RFWD3: variants seen among roughly 807,000 people sequenced by gnomAD.
RFWD3 encodes ring finger and WD repeat domain 3.
A neutral mutation model predicts 87.7 loss-of-function variants in RFWD3; 65 were observed. The ratio of observed to expected loss-of-function variants is 0.74; its 90% CI spans 0.61 to 0.91. The LOEUF (loss-of-function observed/expected upper bound fraction) is 0.91, where lower values mean the gene tolerates loss of function less well. Ranked by LOEUF, RFWD3 falls within the 40% of genes least tolerant of loss-of-function variation. The pLI is 0.00. For synonymous variants in RFWD3, 433 were observed against 352.8 expected (o/e 1.23, Z -2.55); for missense variants, 1,078 against 938.5 (o/e 1.15, Z -1.94).
At chr16:74,646,476 T>C (rs1373040478) in intron 4 of RFWD3, among the ~76,000 whole-genome samples, 2 of 152,100 alleles carry the variant, frequency 1.3e-5, no homozygotes, top group Non-Finnish European at 2.9e-5. Context: ...ACACCAACCA[T>C]GCTTTACATG....
chr16:74,652,912 C>T (rs1389835456), intron 2 of RFWD3, among the ~76,000 whole-genome samples: 3 of 152,166 alleles, frequency 2.0e-5, no homozygotes, highest in Non-Finnish European at 2.9e-5. Flanking sequence ...AACTCCTGAC[C>T]TCAAATGATC....
At chr16:74,662,027 CCAT>C (rs34154577) in intron 1 of RFWD3, among the ~76,000 whole-genome samples, 11,583 of 152,194 alleles carry the variant, frequency 0.076, 678 homozygotes, top group East Asian at 0.26. Flanking sequence ...ATCTCTAATT[CCAT>C]CATGTTAGCG....
chr16:74,645,538 G>A (rs1258264015), intron 4 of RFWD3, among the ~76,000 whole-genome samples: 1 of 152,110 alleles, frequency 6.6e-6, no homozygotes, highest in South Asian at 2.1e-4. Flanking sequence ...CTGTAGCACA[G>A]TGGTGGGTTT....
Position 74,661,272 on chromosome 16 carries a change from C to T in RFWD3, c.178G>A (p.Val60Met), listed in dbSNP as rs1371834010. 1.2e-6 allele frequency: 2 copies of T among 1,614,090 alleles called. No homozygotes were observed. Among genetic ancestry groups the T allele is most frequent in the Non-Finnish European group, 1.7e-6 (2 of 1,180,012 alleles). The change falls in exon 2 of 13, where the codon GTG becomes ATG. Residue 60 changes from valine to methionine, a missense_variant. Coordinates refer to ENST00000361070, the MANE Select transcript of RFWD3 (RefSeq NM_018124.4). ...GGTGGTGTCGCTTGGCTGCTGATCACCTCAGCAGGAGCTGGCTGGAGGATG... is the reference window on the plus strand; with the variant it reads ...GGTGGTGTCGCTTGGCTGCTGATCATCTCAGCAGGAGCTGGCTGGAGGATG... ...PSILQPAPAEVISSQATPPLL... is the reference protein window; with the variant it reads ...PSILQPAPAEMISSQATPPLL...
At chr16:74,637,591 T>A (rs1038542932) in intron 7 of RFWD3, among the ~76,000 whole-genome samples, 1 of 152,010 alleles carries the variant, frequency 6.6e-6, no homozygotes, top group Non-Finnish European at 1.5e-5. Flanking sequence ...CGAGATCACA[T>A]CACTGCACTC....
Position 74,650,388 on chromosome 16 carries a change from G to GGT in RFWD3, c.722-1188_722-1187dup, listed in dbSNP as rs142439147. On this transcript the variant is annotated intron_variant, in intron 3 of 12. Transcript: ENST00000361070. ...TTTTTGGCAATGGGGGTGGGGGGCT[G>GGT]GTGTGTGTGTGTATACAGTACTTCC... is the stretch of plus-strand genomic sequence containing the variant. Among the ~76,000 whole-genome samples the GGT allele has an allele frequency of 6.0e-5, 9 of 150,554 alleles. No individual in the cohort carries two copies. In the East Asian group the frequency reaches 1.4e-3, roughly 23 times the overall value.
chr16:74,660,326 G>A (rs188305981), intron 2 of RFWD3, among the ~76,000 whole-genome samples: 3 of 152,236 alleles, frequency 2.0e-5, no homozygotes, highest in Admixed American at 6.5e-5. Flanking sequence ...GGTGGCACGC[G>A]CCTGTAATGC....
chr16:74,641,273 C>T (rs1192618446), intron 6 of RFWD3, among the ~76,000 whole-genome samples: 5 of 152,122 alleles, frequency 3.3e-5, no homozygotes, highest in African/African-American at 1.2e-4. Flanking sequence ...AGCTATCCTC[C>T]TGCCTCAGTC....
intron 8 of RFWD3, among the ~76,000 whole-genome samples, chr16:74,633,411 T>C (rs1959165678): frequency 6.7e-6 from 1 of 149,468 alleles, no homozygotes; most frequent in Non-Finnish European, 1.5e-5. Flanking sequence ...ACAAACCTAC[T>C]GTATAAACAT....
At chr16:74,641,651 G>A (rs928238689) in intron 6 of RFWD3, among the ~76,000 whole-genome samples, 4 of 151,954 alleles carry the variant, frequency 2.6e-5, no homozygotes, top group Admixed American at 6.6e-5. Flanking sequence ...CTGGCCGGGT[G>A]CAGTGCCTCA....
At position 74,635,049 on chromosome 16, in the gene RFWD3, G is replaced by A. The variant is rs563755655; in HGVS notation, c.1426+1297C>T. On this transcript the variant is annotated intron_variant, in intron 8 of 12. Coordinates refer to ENST00000361070, the MANE Select transcript of RFWD3 (RefSeq NM_018124.4). Reference sequence around the variant, plus strand: ...TAATCCCAGCACTTTGGGAGGCCGAGGCGGGCGGATCATGAGGTCAGGAGA... The same window carrying A: ...TAATCCCAGCACTTTGGGAGGCCGAAGCGGGCGGATCATGAGGTCAGGAGA... Among the ~76,000 whole-genome samples, 631 of 152,236 alleles carry A rather than the reference G, an allele frequency of 4.1e-3. 1 individual carries two copies. The highest frequency in any genetic ancestry group is 0.011 in the South Asian group (53 of 4,830).
intron 10 of RFWD3, among the ~76,000 whole-genome samples, chr16:74,629,593 C>T (rs1959031253): frequency 6.6e-6 from 1 of 151,944 alleles, no homozygotes; most frequent in Non-Finnish European, 1.5e-5. Flanking sequence ...TGCCACTGCA[C>T]TCCAGCCTGG....
intron 9 of RFWD3, among the ~76,000 whole-genome samples, chr16:74,632,018 T>C (rs926755601): frequency 7.2e-5 from 11 of 152,210 alleles, no homozygotes; most frequent in African/African-American, 2.7e-4. Flanking sequence ...CATACAGTTT[T>C]GTAACCTTCT....
At chr16:74,644,857 C>T (rs1959999070) in intron 4 of RFWD3, 122 bp from the exon 5 acceptor site, 1 of 778,206 alleles carries the variant, frequency 1.3e-6, no homozygotes. Flanking sequence ...GGCTACAGAA[C>T]ACTTGTAACA....
chr16:74,635,282 CAAAAAAATA>C (rs1239687097), intron 8 of RFWD3, among the ~76,000 whole-genome samples: 3 of 147,582 alleles, frequency 2.0e-5, no homozygotes, highest in Admixed American at 6.8e-5. Context: ...GACTCCATCT[CAAAAAAATA>C]AAAAAAATAA....
chr16:74,632,291 C>T (rs1364829916), intron 9 of RFWD3, among the ~76,000 whole-genome samples: 2 of 152,016 alleles, frequency 1.3e-5, no homozygotes, highest in African/African-American at 4.8e-5. Flanking sequence ...ACTCGGGAGG[C>T]TGAGGCAGGA....
chr16:74,623,759 A>G lies in RFWD3; in HGVS notation c.*169T>C, dbSNP rs368841030. 2.5e-5 allele frequency: 16 copies of G among 629,102 alleles called. No homozygotes were observed. The highest frequency in any genetic ancestry group is 1.8e-4 in the African/African-American group (10 of 54,530). The allele number at this position is 629,102 out of a possible 1,614,324, so 39.0% of individuals were successfully genotyped here. A position where few individuals can be genotyped will look rare whatever the true frequency, so the allele number is the denominator to read the frequency against. On this transcript the variant is annotated 3_prime_UTR_variant, in exon 13 of 13. Transcript: ENST00000361070. ...TTTTAGTGGACATAACAGATACACA[A>G]TCTGTAGTGTCTCAGTGACCTAGGG...
At chr16:74,643,123 C>A (rs907916912) in intron 6 of RFWD3, among the ~76,000 whole-genome samples, 7 of 152,112 alleles carry the variant, frequency 4.6e-5, no homozygotes, top group Admixed American at 3.9e-4. Context: ...TGTACAGTGA[C>A]TACCTATAGA....
chr16:74,649,593 CT>C (rs1960419318), intron 3 of RFWD3, among the ~76,000 whole-genome samples: 1 of 152,166 alleles, frequency 6.6e-6, no homozygotes, highest in African/African-American at 2.4e-5. Context: ...GATAAGAATT[CT>C]TTTTTTATAT....
Sources: allele counts gnomAD v4.1 joint callset (sites outside exome capture counted in the v4.1 genomes callset), GRCh38; gene constraint gnomAD v4.1.1; transcripts MANE v1.5; gene names NCBI Gene and HGNC (gene_info 2026-07-23, HGNC 2026-07-21).